The following ZDHHC3 variants were observed in gnomAD, a reference collection of about 807,000 sequenced individuals.
ZDHHC3 encodes the protein palmitoyltransferase ZDHHC3.
ZDHHC3 carries 9 observed loss-of-function variants against 30.6 expected under a neutral mutation model. The observed-to-expected ratio is 0.29, with a 90% CI of 0.18 to 0.51. The LOEUF is 0.51. Ranked by LOEUF, ZDHHC3 falls within the 20% of genes least tolerant of loss-of-function variation. ZDHHC3 has a pLI of 0.97. For synonymous variants in ZDHHC3, 136 were observed against 140.2 expected, an observed-to-expected ratio of 0.97 and a Z score of 0.21; for missense variants, 246 against 384.2, an observed-to-expected ratio of 0.64 and a Z score of 3.01.
rs564612299 is a variant in ZDHHC3, at chr3:44,958,649, C to A, written c.306+482G>T. On this transcript the variant is annotated intron_variant, in intron 2 of 6. Transcript: ENST00000424952. ...CAGCTTTTCAGGAAAAGATGCACCT[C>A]GCCCAAGCAAAGTGAAGGCCATTTC... 4.6e-6 allele frequency: 7 copies of A among 1,536,110 alleles called. No homozygotes were observed. In the African/African-American group the frequency reaches 8.2e-5, roughly 18 times the overall value.
chr3:44,964,281 A>T (rs915550016), intron 1 of ZDHHC3, among the ~76,000 whole-genome samples: 1 of 152,248 alleles, frequency 6.6e-6, no homozygotes, highest in Non-Finnish European at 1.5e-5. Flanking sequence ...AGACTTTTTC[A>T]TGGCAAGGAC....
chr3:44,939,803 T>A (rs1702283641), intron 3 of ZDHHC3, among the ~76,000 whole-genome samples: 1 of 152,046 alleles, frequency 6.6e-6, no homozygotes, highest in Non-Finnish European at 1.5e-5. Context: ...GCTTCCAAAT[T>A]AGAAAAATAA....
At chr3:44,972,825 A>C (rs146567114) in intron 1 of ZDHHC3, among the ~76,000 whole-genome samples, 464 of 152,322 alleles carry the variant, frequency 3.0e-3, no homozygotes, top group East Asian at 0.025. Flanking sequence ...CTTTATGCCC[A>C]TAAGAACACC....
intron 3 of ZDHHC3, among the ~76,000 whole-genome samples, chr3:44,943,281 C>T (rs747030914): frequency 6.6e-6 from 1 of 152,230 alleles, no homozygotes; most frequent in Non-Finnish European, 1.5e-5. Flanking sequence ...CCAAACCTGT[C>T]TCTAGTACTC....
At chr3:44,935,071 C>G (rs1231031536) in intron 3 of ZDHHC3, among the ~76,000 whole-genome samples, 1 of 152,104 alleles carries the variant, frequency 6.6e-6, no homozygotes, top group African/African-American at 2.4e-5. Context: ...TAATATGAAA[C>G]AAGCGTCCCG....
chr3:44,930,441 G>A (rs577888199), intron 5 of ZDHHC3, among the ~76,000 whole-genome samples: 2 of 152,344 alleles, frequency 1.3e-5, no homozygotes, highest in African/African-American at 2.4e-5. Context: ...TCAGTGCAGC[G>A]GCCCATGCTG....
Position 44,918,581 on chromosome 3 carries a change from G to A in ZDHHC3, c.*8108C>T. The stretch of plus-strand genomic sequence containing the variant: ...GCCACTCCCACCAGGGTAGATAGGG[G>A]CTGCAAACACAGCAGAAGGACGATG... On this transcript the variant is annotated 3_prime_UTR_variant, in exon 7 of 7. Coordinates refer to ENST00000424952, the MANE Select transcript of ZDHHC3 (RefSeq NM_001135179.2). 1.0e-6 allele frequency: 1 copy of A among 985,460 alleles called. No individual in the cohort carries two copies. Among genetic ancestry groups the A allele is most frequent in the Non-Finnish European group, 1.2e-6 (1 of 829,944 alleles). The allele number at this position is 985,460 out of a possible 1,614,324, so 61.0% of individuals were successfully genotyped here.
intron 2 of ZDHHC3, among the ~76,000 whole-genome samples, chr3:44,955,327 C>T (rs2125897973): frequency 6.6e-6 from 1 of 152,186 alleles, no homozygotes; most frequent in Middle Eastern, 3.4e-3. Context: ...TCTACTGCTA[C>T]ATTGGAGTAA....
chr3:44,930,022 C>T (rs369261797), intron 5 of ZDHHC3, among the ~76,000 whole-genome samples: 1 of 152,214 alleles, frequency 6.6e-6, no homozygotes, highest in East Asian at 1.9e-4. Flanking sequence ...ATGCACTGCC[C>T]CCGCTCCCAG....
At chr3:44,939,954 T>A (rs533965058) in intron 3 of ZDHHC3, among the ~76,000 whole-genome samples, 2 of 152,062 alleles carry the variant, frequency 1.3e-5, no homozygotes, top group South Asian at 4.2e-4. Flanking sequence ...GTATGCAGAG[T>A]GGGTGGGGTG....
chr3:44,932,057 G>A (rs921127141), intron 5 of ZDHHC3, among the ~76,000 whole-genome samples: 1 of 152,120 alleles, frequency 6.6e-6, no homozygotes, highest in African/African-American at 2.4e-5. Context: ...TTAACTTGAC[G>A]AGAGGTGGGA....
intron 1 of ZDHHC3, chr3:44,969,614 G>C (rs1464931125): frequency 6.6e-6 from 1 of 152,222 alleles, no homozygotes; most frequent in Admixed American, 6.5e-5. Context: ...CTTACGGTTT[G>C]GCTATCTTGT....
chr3:44,922,571 A>G lies in ZDHHC3; in HGVS notation c.*4118T>C, dbSNP rs1440888828. The stretch of plus-strand genomic sequence containing the variant: ...CACGTGCCTGTCTCACAATCAGCAC[A>G]CCCCAACTGCACTATGCTGAGCCCA... On this transcript the variant is annotated 3_prime_UTR_variant, in exon 7 of 7. Transcript: ENST00000424952. 1.0e-6 allele frequency: 1 copy of G among 985,250 alleles called. No individual in the cohort carries two copies. The highest frequency in any genetic ancestry group is 1.2e-6 in the Non-Finnish European group (1 of 829,932). The allele number at this position is 985,250 out of a possible 1,614,324, so 61.0% of individuals were successfully genotyped here.
At position 44,923,400 on chromosome 3, in the gene ZDHHC3, T is replaced by C; in HGVS notation, c.*3289A>G. The C allele has an allele frequency of 1.0e-6, 1 of 985,368 alleles. No individual in the cohort carries two copies. The highest frequency in any genetic ancestry group is 1.7e-5 in the African/African-American group (1 of 57,336). 61.0% of individuals were successfully genotyped at this position (985,368 alleles called of 1,614,324 possible). On this transcript the variant is annotated 3_prime_UTR_variant, in exon 7 of 7. Coordinates refer to ENST00000424952, the MANE Select transcript of ZDHHC3 (RefSeq NM_001135179.2). Reference sequence around the variant, plus strand: ...AGAAGTGTCCGCGCCCGGCTTAAAATGTTTGTTAATTTACCTCACCTAAAC... The same window carrying C: ...AGAAGTGTCCGCGCCCGGCTTAAAACGTTTGTTAATTTACCTCACCTAAAC...
intron 2 of ZDHHC3, among the ~76,000 whole-genome samples, chr3:44,946,217 ATTT>A (rs1350515325): frequency 6.6e-6 from 1 of 152,238 alleles, no homozygotes; most frequent in Admixed American, 6.5e-5. Context: ...GCCCTCAGGT[ATTT>A]GACTTGCTGT....
In ZDHHC3 at chr3:44,924,859, C is replaced by G. The variant is rs567733294; in HGVS notation, c.*1830G>C. On this transcript the variant is annotated 3_prime_UTR_variant, in exon 7 of 7. Coordinates refer to ENST00000424952, the MANE Select transcript of ZDHHC3 (RefSeq NM_001135179.2). Reference sequence around the variant, plus strand: ...TCTTTTCTTTTTAATCTTAGCATCTCAGCCTCGCCCGTATCGCATGAATAG... The same window carrying G: ...TCTTTTCTTTTTAATCTTAGCATCTGAGCCTCGCCCGTATCGCATGAATAG... The G allele has an allele frequency of 4.1e-6, 4 of 985,566 alleles. No homozygotes were observed. In the African/African-American group the frequency reaches 7.0e-5, roughly 17 times the overall value. The allele number at this position is 985,566 out of a possible 1,614,324, so 61.1% of individuals were successfully genotyped here. A position where few individuals can be genotyped will look rare whatever the true frequency, so the allele number is the denominator to read the frequency against.
chr3:44,940,016 G>A (rs1702306613), intron 3 of ZDHHC3, among the ~76,000 whole-genome samples: 1 of 152,208 alleles, frequency 6.6e-6, no homozygotes, highest in Admixed American at 6.5e-5. Flanking sequence ...GCTGCTCACA[G>A]AGGCCAGAAG....
chr3:44,958,050 T>C (rs949357198), intron 2 of ZDHHC3, among the ~76,000 whole-genome samples: 2 of 152,194 alleles, frequency 1.3e-5, no homozygotes, highest in African/African-American at 4.8e-5. Context: ...CCCATATACA[T>C]GGCTTCCCTC....
intron 2 of ZDHHC3, among the ~76,000 whole-genome samples, chr3:44,956,416 G>C (rs1464932567): frequency 1.3e-5 from 2 of 152,156 alleles, no homozygotes; most frequent in African/African-American, 4.8e-5. Context: ...GTGCTCCCCA[G>C]GCTGCTCTAG....
Sources: gnomAD v4.1 joint callset for allele counts (sites outside exome capture counted in the v4.1 genomes callset) on GRCh38, gnomAD v4.1.1 for gene constraint, MANE v1.5 for transcripts, NCBI Gene and HGNC (gene_info 2026-07-23, HGNC 2026-07-21) for gene names.